Variants in PUS10 observed in about 807,000 individuals in gnomAD.
The protein encoded by PUS10 is pseudouridine synthase 10.
Under a neutral mutation model 75.0 loss-of-function variants are expected in PUS10, and 59 were observed. The observed-to-expected ratio is 0.79, with a 90% confidence interval of 0.64 to 0.98. The LOEUF (loss-of-function observed/expected upper bound fraction) is 0.98, where lower values mean the gene tolerates loss of function less well. PUS10 is among the 50% of genes least tolerant of loss of function. The probability of loss-of-function intolerance (pLI) is 0.00; values close to 1 mark genes in which losing one functional copy is unlikely to be tolerated. For missense variants in PUS10, 650 were observed against 614.4 expected (o/e 1.06, Z -0.61); for synonymous variants, 219 against 211.6 (o/e 1.03, Z -0.30).
intron 9 of PUS10, among the ~76,000 whole-genome samples, chr2:60,962,013 A>G (rs951085651): frequency 1.3e-5 from 2 of 152,244 alleles, no homozygotes; most frequent in African/African-American, 4.8e-5. Context: ...ATTTTATTTA[A>G]TAAAATGAAT....
intron 17 of PUS10, chr2:60,944,069 A>G (rs963540462): frequency 1.6e-5 from 3 of 187,216 alleles, no homozygotes; most frequent in Non-Finnish European, 3.0e-5. Context: ...TCAGGGTTGC[A>G]GTGACCCGTG....
chr2:60,981,586 A>C (rs552637063), intron 4 of PUS10, among the ~76,000 whole-genome samples: 1 of 152,374 alleles, frequency 6.6e-6, no homozygotes, highest in Non-Finnish European at 1.5e-5. Context: ...CTGGCCTAAA[A>C]AATATTTATT....
chr2:60,985,572 C>T (rs1427491731), intron 4 of PUS10, among the ~76,000 whole-genome samples: 1 of 152,134 alleles, frequency 6.6e-6, no homozygotes, highest in Non-Finnish European at 1.5e-5. Flanking sequence ...ATGATCTCAG[C>T]TCACTACAAC....
At chr2:60,983,223 G>GA (rs1477840763) in intron 4 of PUS10, among the ~76,000 whole-genome samples, 1 of 151,980 alleles carries the variant, frequency 6.6e-6, no homozygotes, top group East Asian at 1.9e-4. Context: ...TAATCAGAAT[G>GA]AAAAATGCTT....
chr2:61,006,664 T>C (rs1573514845), intron 3 of PUS10, 21 bp from the exon 4 acceptor site: 3 of 1,579,092 alleles, frequency 1.9e-6, no homozygotes, highest in East Asian at 2.2e-5. Flanking sequence ...ATTACAATTA[T>C]GTAAATTCCC....
intron 11 of PUS10, among the ~76,000 whole-genome samples, chr2:60,958,359 T>G (rs1198171993): frequency 2.0e-5 from 3 of 152,148 alleles, no homozygotes; most frequent in African/African-American, 7.2e-5. Context: ...GGTATACTCT[T>G]TTTTCCATTC....
Position 61,008,820 on chromosome 2 carries a change from C to T in PUS10, c.322G>A (p.Val108Ile), listed in dbSNP as rs1363056838. 1.1e-5 allele frequency: 17 copies of T among 1,609,014 alleles called. No individual in the cohort carries two copies. The highest frequency in any genetic ancestry group is 8.9e-5 in the East Asian group (4 of 44,818). Residue 108 changes from valine (V) to isoleucine (I), a missense_variant, in exon 3 of 18, where the codon GTA (valine) becomes ATA (isoleucine). Transcript: ENST00000316752. Reference protein sequence around the residue: ...STASKNSNLNVCNVCLGILQE... With the variant: ...STASKNSNLNICNVCLGILQE... ...AGAATTCCTAGGCATACATTACATACATTTAAATTTGAGTTCTTGGAAGCA... is the reference window on the plus strand; with the variant it reads ...AGAATTCCTAGGCATACATTACATATATTTAAATTTGAGTTCTTGGAAGCA...
intron 4 of PUS10, among the ~76,000 whole-genome samples, chr2:60,997,776 C>A (rs1407166199): frequency 6.6e-6 from 1 of 151,992 alleles, no homozygotes; most frequent in Non-Finnish European, 1.5e-5. Context: ...GATAAGTGGA[C>A]CATATAGGAA....
At chr2:60,975,390 C>A (rs151019584) in intron 4 of PUS10, among the ~76,000 whole-genome samples, 1 of 151,984 alleles carries the variant, frequency 6.6e-6, no homozygotes, top group Non-Finnish European at 1.5e-5. Flanking sequence ...CGTGATCCGC[C>A]CGCCTTGGCC....
chr2:60,998,863 T>C (rs1271553271), intron 4 of PUS10: 3 of 152,126 alleles, frequency 2.0e-5, no homozygotes, highest in Non-Finnish European at 4.4e-5. Flanking sequence ...CTTTTATTCT[T>C]AGCTAATTTT....
chr2:60,977,472 C>T (rs1466006657), intron 4 of PUS10, among the ~76,000 whole-genome samples: 2 of 152,134 alleles, frequency 1.3e-5, no homozygotes, highest in African/African-American at 2.4e-5. Context: ...TACGTATAGG[C>T]CAAGACTCGC....
rs1176694202 is a variant in PUS10 at position 60,940,686 on chromosome 2, A to G, written c.*1709T>C. ...TTCTTACATATTACAGGTCCACTAG[A>G]TTCAAAGGTAAGCCAAAAATACCAT... On this transcript the variant is annotated 3_prime_UTR_variant, in exon 18 of 18. Coordinates refer to ENST00000316752, the MANE Select transcript of PUS10 (RefSeq NM_144709.4). 6.6e-6 allele frequency: 1 copy of G among 152,350 alleles called. No individual in the cohort carries two copies. The allele number at this position is 152,350 out of a possible 1,614,324, so 9.4% of individuals were successfully genotyped here.
At chr2:61,008,530 A>G (rs546624896) in intron 3 of PUS10, among the ~76,000 whole-genome samples, 1 of 152,222 alleles carries the variant, frequency 6.6e-6, no homozygotes, top group Non-Finnish European at 1.5e-5. Flanking sequence ...ATGGTGGTGC[A>G]TGCCTGTAGT....
chr2:60,991,148 G>C (rs1409069424), intron 4 of PUS10, among the ~76,000 whole-genome samples: 1 of 152,044 alleles, frequency 6.6e-6, no homozygotes, highest in Non-Finnish European at 1.5e-5. Flanking sequence ...TAAAATGCTG[G>C]GATTACAGGC....
intron 1 of PUS10, among the ~76,000 whole-genome samples, chr2:61,015,691 T>C (rs1255166324): frequency 6.6e-6 from 1 of 152,156 alleles, no homozygotes; most frequent in East Asian, 1.9e-4. Flanking sequence ...AGAGCGAGAC[T>C]CCATCTCAAT....
At position 60,941,968 on chromosome 2, in the gene PUS10, T is replaced by G. The variant is rs1674647852; in HGVS notation, c.*427A>C. ...ATTATAGGATATTATGCTGCATAAA[T>G]CTAGATATAACTTTTATTCAGATAA... is the stretch of plus-strand genomic sequence containing the variant. On this transcript the variant is annotated 3_prime_UTR_variant, in exon 18 of 18. Coordinates refer to ENST00000316752, the MANE Select transcript of PUS10 (RefSeq NM_144709.4). 6.3e-6 allele frequency: 1 copy of G among 158,516 alleles called. No homozygotes were observed. The highest frequency in any genetic ancestry group is 6.4e-5 in the Admixed American group (1 of 15,704). 9.8% of individuals were successfully genotyped at this position (158,516 alleles called of 1,614,324 possible).
rs187997100 is a variant in PUS10 at position 60,990,506 on chromosome 2, C to A, written c.468+16051G>T. ...TTGGCTGAAACCATGAAGCATGACA[C>A]CCTAGAAGCAGGGGTAAATGGGGAC... On this transcript the variant is annotated intron_variant, in intron 4 of 17. Transcript: ENST00000316752. Among the ~76,000 whole-genome samples, 47 of 152,216 alleles carry A rather than the reference C, an allele frequency of 3.1e-4. No homozygotes were observed. In the East Asian group the frequency reaches 7.0e-3, roughly 23 times the overall value.
intron 3 of PUS10, 65 bp from the exon 4 acceptor site, chr2:61,006,708 T>C (rs768130632): frequency 4.8e-6 from 6 of 1,253,736 alleles, no homozygotes; most frequent in Non-Finnish European, 6.8e-6. Flanking sequence ...ACCCTAATCT[T>C]AATAACATGA....
chr2:60,988,692 A>G (rs1224851355), intron 4 of PUS10, among the ~76,000 whole-genome samples: 1 of 152,090 alleles, frequency 6.6e-6, no homozygotes, highest in Non-Finnish European at 1.5e-5. Context: ...CTGGAGTGCA[A>G]CGGTGCAATC....
Sources: gnomAD v4.1 joint callset for allele counts (sites outside exome capture counted in the v4.1 genomes callset) on GRCh38, gnomAD v4.1.1 for gene constraint, MANE v1.5 for transcripts, NCBI Gene and HGNC (gene_info 2026-07-23, HGNC 2026-07-21) for gene names.